Variants in PAN3 observed in about 807,000 individuals in gnomAD.
PAN3 encodes the protein PAN2-PAN3 deadenylation complex subunit PAN3.
Under a neutral mutation model 96.2 loss-of-function variants are expected in PAN3, and 19 were observed. The observed-to-expected ratio is 0.20, with a 90% CI of 0.14 to 0.29. The LOEUF is 0.29. Ranked by LOEUF, PAN3 falls within the 10% of genes least tolerant of loss-of-function variation. The probability of loss-of-function intolerance (pLI) is 1.00; values close to 1 mark genes in which losing one functional copy is unlikely to be tolerated. For synonymous variants in PAN3, 433 were observed against 406.6 expected, an observed-to-expected ratio of 1.06 and a Z score of -0.78; for missense variants, 882 against 1,108.1, an observed-to-expected ratio of 0.80 and a Z score of 2.90.
chr13:28,183,616 C>G (rs1027066017), intron 4 of PAN3, among the ~76,000 whole-genome samples: 1 of 152,070 alleles, frequency 6.6e-6, no homozygotes, highest in Non-Finnish European at 1.5e-5. Flanking sequence ...TTACTCAGAG[C>G]CTCTTGGAGA....
At chr13:28,142,323 C>T (rs1869963845) in intron 1 of PAN3, among the ~76,000 whole-genome samples, 1 of 152,026 alleles carries the variant, frequency 6.6e-6, no homozygotes, top group Admixed American at 6.6e-5. Flanking sequence ...TGTTTTGAGA[C>T]AGTATTGATC....
intron 6 of PAN3, among the ~76,000 whole-genome samples, chr13:28,224,138 T>C (rs530437609): frequency 7.2e-5 from 11 of 152,336 alleles, no homozygotes; most frequent in African/African-American, 2.6e-4. Flanking sequence ...CCCAAAGTGC[T>C]GGGATTACAG....
intron 1 of PAN3, among the ~76,000 whole-genome samples, chr13:28,144,874 C>T (rs1412776849): frequency 3.3e-5 from 5 of 151,956 alleles, no homozygotes; most frequent in African/African-American, 7.2e-5. Context: ...AGCCTGCCAC[C>T]GCGACTGGCT....
At chr13:28,177,226 A>G (rs1875135361) in intron 3 of PAN3, among the ~76,000 whole-genome samples, 1 of 152,184 alleles carries the variant, frequency 6.6e-6, no homozygotes, top group African/African-American at 2.4e-5. Context: ...ATATAATTTT[A>G]TTTGTAACTT....
intron 6 of PAN3, among the ~76,000 whole-genome samples, chr13:28,224,035 A>AT (rs906433610): frequency 8.0e-5 from 12 of 150,126 alleles, no homozygotes; most frequent in African/African-American, 1.2e-4. Flanking sequence ...CGCCCGGCTA[A>AT]TTTTTTTTTG....
At chr13:28,183,430 A>G (rs2138149862) in intron 4 of PAN3, among the ~76,000 whole-genome samples, 1 of 152,302 alleles carries the variant, frequency 6.6e-6, no homozygotes, top group South Asian at 2.1e-4. Context: ...ATCACTAAAC[A>G]TTCATTCACC....
intron 4 of PAN3, among the ~76,000 whole-genome samples, chr13:28,179,912 A>G (rs1057333977): frequency 6.6e-6 from 1 of 152,074 alleles, no homozygotes; most frequent in South Asian, 2.1e-4. Flanking sequence ...AATATATAGT[A>G]CCTATTCTTT....
At chr13:28,217,598 CA>C (rs11426953) in intron 5 of PAN3, among the ~76,000 whole-genome samples, 4 of 130,774 alleles carry the variant, frequency 3.1e-5, no homozygotes, top group East Asian at 2.6e-4. Flanking sequence ...AAAAAAAAAA[CA>C]AAAAAAAAAT....
At chr13:28,144,620 T>C (rs575435325) in intron 1 of PAN3, among the ~76,000 whole-genome samples, 139 of 152,012 alleles carry the variant, frequency 9.1e-4, no homozygotes, top group African/African-American at 3.3e-3. Context: ...TTTGATGAGA[T>C]CGGGCGTGTT....
intron 1 of PAN3, among the ~76,000 whole-genome samples, chr13:28,151,789 CAG>C (rs1047384165): frequency 4.6e-5 from 7 of 152,066 alleles, no homozygotes; most frequent in African/African-American, 1.7e-4. Context: ...AGGCTGCAGA[CAG>C]AGCAAATATG....
chr13:28,291,453 A>G (rs932742179), intron 18 of PAN3, among the ~76,000 whole-genome samples: 36 of 152,204 alleles, frequency 2.4e-4, no homozygotes, highest in African/African-American at 8.0e-4. Context: ...AATGTATGAA[A>G]AAACTTTGAT....
intron 9 of PAN3, among the ~76,000 whole-genome samples, chr13:28,261,677 A>T (rs1885735941): frequency 6.6e-6 from 1 of 151,902 alleles, no homozygotes; most frequent in Non-Finnish European, 1.5e-5. Flanking sequence ...TACAAAAAAT[A>T]AATTAGCTGG....
At chr13:28,174,523 A>G in intron 2 of PAN3, 130 bp downstream of exon 2, 1 of 1,055,638 alleles carries the variant, frequency 9.5e-7, no homozygotes, top group Non-Finnish European at 1.3e-6. Context: ...GATGGGTGAG[A>G]TGTAGGTAAA....
intron 1 of PAN3, among the ~76,000 whole-genome samples, chr13:28,139,823 T>C (rs1162824404): frequency 3.3e-5 from 5 of 152,176 alleles, no homozygotes; most frequent in Non-Finnish European, 2.9e-5. Flanking sequence ...TATAGCTTTG[T>C]ATCAAGCAAA....
chr13:28,262,789 A>G (rs895652307), intron 9 of PAN3, among the ~76,000 whole-genome samples: 1 of 152,228 alleles, frequency 6.6e-6, no homozygotes, highest in Non-Finnish European at 1.5e-5. Context: ...GTTAACTTCA[A>G]AATATAATTA....
intron 6 of PAN3, among the ~76,000 whole-genome samples, chr13:28,232,334 G>T (rs983001941): frequency 2.0e-5 from 3 of 152,176 alleles, no homozygotes; most frequent in Admixed American, 6.5e-5. Context: ...CCCGAATCTA[G>T]ATGTTGGATA....
rs73156301 is a variant in PAN3, at chr13:28,210,078, G to A, written c.853-10153G>A. Among the ~76,000 whole-genome samples, 8 of 152,058 alleles carry A rather than the reference G, an allele frequency of 5.3e-5. No homozygotes were observed. In the South Asian group the frequency reaches 6.2e-4, roughly 12 times the overall value. ...GAATGACAAGTGTGAGCCACTGCAC[G>A]GCCTTATTTTTCGTTTTGATAATAT... On this transcript the variant is annotated intron_variant, in intron 5 of 18. Transcript: ENST00000380958.
At chr13:28,280,142 G>A (rs1373007047) in intron 15 of PAN3, among the ~76,000 whole-genome samples, 1 of 152,130 alleles carries the variant, frequency 6.6e-6, no homozygotes, top group African/African-American at 2.4e-5. Flanking sequence ...ATGGAAATGG[G>A]TAAGTGCAGT....
At chr13:28,270,130 C>A (rs1435711605) in intron 12 of PAN3, among the ~76,000 whole-genome samples, 1 of 152,170 alleles carries the variant, frequency 6.6e-6, no homozygotes, top group African/African-American at 2.4e-5. Flanking sequence ...TATATGTCTC[C>A]TTTTCTACTG....
Sources: gnomAD v4.1 joint callset for allele counts (sites outside exome capture counted in the v4.1 genomes callset) on GRCh38, gnomAD v4.1.1 for gene constraint, MANE v1.5 for transcripts, NCBI Gene and HGNC (gene_info 2026-07-23, HGNC 2026-07-21) for gene names.